IQUB: variants seen among roughly 807,000 people sequenced by gnomAD.
IQUB encodes the protein IQ motif and ubiquitin domain containing, also known as IQ motif and ubiquitin-like domain-containing protein.
A neutral mutation model predicts 86.4 loss-of-function variants in IQUB; 86 were observed. That is an observed-to-expected ratio of 1.00 (90% confidence interval 0.84 to 1.19). The LOEUF is 1.19. Among genes scored for constraint, IQUB ranks in the 50% most tolerant of loss-of-function variants. The pLI, the probability that IQUB is intolerant of heterozygous loss-of-function variation, is 0.00. For synonymous variants in IQUB, 289 were observed against 304.5 expected (o/e 0.95, Z 0.53); for missense variants, 946 against 916.9 (o/e 1.03, Z -0.41).
At chr7:123,463,486 A>G (rs1794097359) in intron 10 of IQUB, among the ~76,000 whole-genome samples, 1 of 151,924 alleles carries the variant, frequency 6.6e-6, no homozygotes, top group Non-Finnish European at 1.5e-5. Context: ...ATTCAAAAAC[A>G]TGGGTGAATC....
intron 7 of IQUB, among the ~76,000 whole-genome samples, chr7:123,480,851 T>C (rs1330416086): frequency 2.6e-5 from 4 of 152,164 alleles, no homozygotes; most frequent in Non-Finnish European, 5.9e-5. Context: ...TATAATAATA[T>C]TTATGATATT....
intron 1 of IQUB, among the ~76,000 whole-genome samples, chr7:123,517,306 T>C (rs1052006475): frequency 2.0e-5 from 3 of 150,884 alleles, no homozygotes; most frequent in East Asian, 2.0e-4. Context: ...CCGAGGCGGG[T>C]GGATCACGAG....
rs147767553 is a variant in IQUB at position 123,485,204 on chromosome 7, T to C, written c.1235-5234A>G. Reference sequence around the variant, plus strand: ...GGAGGCTAAAGGTCCAAGACTAATATGTCAACAGGCTTGGTTTCTTCTGAG... The same window carrying C: ...GGAGGCTAAAGGTCCAAGACTAATACGTCAACAGGCTTGGTTTCTTCTGAG... On this transcript the variant is annotated intron_variant, in intron 7 of 12. Transcript: ENST00000324698. Among the ~76,000 whole-genome samples the C allele has an allele frequency of 6.0e-4, 91 of 152,280 alleles. 1 individual carries two copies. Among genetic ancestry groups the C allele is most frequent in the African/African-American group, 2.1e-3 (86 of 41,566 alleles).
intron 9 of IQUB, among the ~76,000 whole-genome samples, chr7:123,466,672 C>A (rs975806532): frequency 6.6e-5 from 10 of 152,066 alleles, no homozygotes; most frequent in Non-Finnish European, 1.5e-4. Context: ...AAAGAGCGTT[C>A]TTTACAGTTA....
In IQUB at chr7:123,455,014, C is replaced by T. The variant is rs536814760; in HGVS notation, c.2194-2089G>A. Among the ~76,000 whole-genome samples, 105 of 152,174 alleles carry T rather than the reference C, an allele frequency of 6.9e-4. No individual in the cohort carries two copies. In the Middle Eastern group the frequency reaches 0.01, roughly 15 times the overall value. ...AAGGGTAGAGAGTTATTCTCCATCT[C>T]CTTAAGAGTGGAGAGTATCTACATA... On this transcript the variant is annotated intron_variant, in intron 12 of 12. Transcript: ENST00000324698.
chr7:123,533,116 G>C (rs1047363387), intron 1 of IQUB, among the ~76,000 whole-genome samples: 8 of 152,216 alleles, frequency 5.3e-5, no homozygotes, highest in African/African-American at 1.9e-4. Flanking sequence ...GAAGTCCGCC[G>C]GAGCAGAGGG....
chr7:123,460,632 A>C (rs918860251), intron 11 of IQUB, among the ~76,000 whole-genome samples: 4 of 151,940 alleles, frequency 2.6e-5, no homozygotes, highest in African/African-American at 9.7e-5. Flanking sequence ...ACAACAAGTA[A>C]GTCCTTCTGT....
intron 1 of IQUB, among the ~76,000 whole-genome samples, chr7:123,521,288 C>A (rs1796888619): frequency 6.6e-6 from 1 of 152,062 alleles, no homozygotes; most frequent in South Asian, 2.1e-4. Flanking sequence ...ATTTATTTCA[C>A]CCTAATTTTA....
At chr7:123,512,601 C>A (rs1311702581) in intron 1 of IQUB, among the ~76,000 whole-genome samples, 1 of 152,066 alleles carries the variant, frequency 6.6e-6, no homozygotes, top group Non-Finnish European at 1.5e-5. Context: ...TTATTTTAGT[C>A]TCATATTTTT....
intron 7 of IQUB, among the ~76,000 whole-genome samples, chr7:123,496,161 A>G (rs981679276): frequency 5.9e-5 from 9 of 152,106 alleles, no homozygotes; most frequent in African/African-American, 2.2e-4. Context: ...TGTTCAAATA[A>G]CTGAAACTTT....
chr7:123,515,941 G>A (rs1796616296), intron 1 of IQUB, among the ~76,000 whole-genome samples: 1 of 152,156 alleles, frequency 6.6e-6, no homozygotes, highest in African/African-American at 2.4e-5. Context: ...ATTACAGAAG[G>A]ATGTGGGGAT....
chr7:123,521,829 T>C (rs1796919538), intron 1 of IQUB, among the ~76,000 whole-genome samples: 1 of 152,098 alleles, frequency 6.6e-6, no homozygotes, highest in Non-Finnish European at 1.5e-5. Flanking sequence ...GCAACTGTGT[T>C]TATGATGGTT....
intron 3 of IQUB, among the ~76,000 whole-genome samples, chr7:123,505,583 G>A (rs920833689): frequency 6.6e-6 from 1 of 152,194 alleles, no homozygotes; most frequent in Non-Finnish European, 1.5e-5. Context: ...GCAATGGCCT[G>A]AGGCATATCT....
intron 8 of IQUB, 37 bp from the exon 9 acceptor site, chr7:123,469,421 T>C: frequency 7.7e-7 from 1 of 1,290,546 alleles, no homozygotes; most frequent in Non-Finnish European, 1.1e-6. Flanking sequence ...TATCAGTTAA[T>C]TAGAAACTAC....
chr7:123,492,984 C>T (rs780259240), intron 7 of IQUB, among the ~76,000 whole-genome samples: 16 of 152,200 alleles, frequency 1.1e-4, no homozygotes, highest in Non-Finnish European at 2.2e-4. Flanking sequence ...GTATTCTCTA[C>T]TGTATAGTCC....
chr7:123,513,400 A>T lies in IQUB; in HGVS notation c.-4-1056T>A, dbSNP rs1008149190. 6.6e-5 allele frequency among the ~76,000 whole-genome samples: 10 copies of T among 152,306 alleles called. No homozygotes were observed. The South Asian group carries it at 2.1e-3, about 32-fold the overall frequency. ...GATAAGATACAAAAAATATGAGACT[A>T]AAAGCCATGGAAAAGAAAGCCTAGC... On this transcript the variant is annotated intron_variant, in intron 1 of 12. Transcript: ENST00000324698.
chr7:123,492,102 C>G (rs2117141763), intron 7 of IQUB, among the ~76,000 whole-genome samples: 1 of 152,244 alleles, frequency 6.6e-6, no homozygotes, highest in Non-Finnish European at 1.5e-5. Flanking sequence ...ATCTATGAAC[C>G]AGGAAACAAA....
At chr7:123,507,323 G>C (rs1262508157) in intron 3 of IQUB, among the ~76,000 whole-genome samples, 1 of 152,188 alleles carries the variant, frequency 6.6e-6, no homozygotes, top group Non-Finnish European at 1.5e-5. Flanking sequence ...AAGAGTCCTT[G>C]TATTAAATGA....
In IQUB at chr7:123,512,303, A is replaced by G. The variant is rs1295652118; in HGVS notation, c.38T>C (p.Ile13Thr). 1 of 1,599,500 alleles carries G rather than the reference A, an allele frequency of 6.3e-7. No homozygotes were observed. Among genetic ancestry groups the G allele is most frequent in the South Asian group, 1.1e-5 (1 of 90,252 alleles). ...NQQEKYEAQNIVNSTEESDDA... is the reference protein window; with the variant it reads ...NQQEKYEAQNTVNSTEESDDA... The stretch of plus-strand genomic sequence containing the variant: ...ATCACTCTCTTCTGTTGAATTGACT[A>G]TATTCTGAGCTTCATACTTCTCCTG... The change falls in exon 2 of 13, where the codon ATA becomes ACA. Residue 13 changes from isoleucine (I) to threonine (T), a missense_variant. Coordinates refer to ENST00000324698, the MANE Select transcript of IQUB (RefSeq NM_178827.5).
Sources: allele counts gnomAD v4.1 joint callset (sites outside exome capture counted in the v4.1 genomes callset), GRCh38; gene constraint gnomAD v4.1.1; transcripts MANE v1.5; gene names NCBI Gene and HGNC (gene_info 2026-07-23, HGNC 2026-07-21).